WDR49: variants seen among roughly 807,000 people sequenced by gnomAD.
The protein encoded by WDR49 is WD repeat domain 49, also known as cilia- and flagella-associated protein 337.
Under a neutral mutation model 119.5 loss-of-function variants are expected in WDR49, and 107 were observed. The ratio of observed to expected loss-of-function variants is 0.90; its 90% CI spans 0.77 to 1.05. The LOEUF is 1.05. Ranked by LOEUF, WDR49 falls within the 50% of genes least tolerant of loss-of-function variation. The pLI is 0.00. For missense variants in WDR49, 1,240 were observed against 1,220.5 expected (o/e 1.02, Z -0.24); for synonymous variants, 425 against 418.8 (o/e 1.01, Z -0.18).
intron 16 of WDR49, among the ~76,000 whole-genome samples, chr3:167,512,279 A>G (rs1170593814): frequency 6.6e-6 from 1 of 152,172 alleles, no homozygotes; most frequent in Non-Finnish European, 1.5e-5. Flanking sequence ...GCTCTTCTGC[A>G]GCCTCCACTG....
At chr3:167,577,998 G>T (rs1300645649) in intron 7 of WDR49, among the ~76,000 whole-genome samples, 2 of 152,090 alleles carry the variant, frequency 1.3e-5, no homozygotes, top group Non-Finnish European at 2.9e-5. Flanking sequence ...GAATCTACAA[G>T]ATAGGAATCC....
chr3:167,496,702 C>T (rs566380091), intron 18 of WDR49, among the ~76,000 whole-genome samples: 1 of 152,210 alleles, frequency 6.6e-6, no homozygotes, highest in African/African-American at 2.4e-5. Flanking sequence ...TCTTTAGCAT[C>T]CAGCACAAAT....
intron 8 of WDR49, among the ~76,000 whole-genome samples, chr3:167,575,421 C>A (rs1714197396): frequency 6.6e-6 from 1 of 152,174 alleles, no homozygotes; most frequent in African/African-American, 2.4e-5. Flanking sequence ...GTGCTGCATA[C>A]CAAGTGGCAT....
chr3:167,588,331 A>G, intron 7 of WDR49, among the ~76,000 whole-genome samples: 1 of 151,956 alleles, frequency 6.6e-6, no homozygotes, highest in South Asian at 2.1e-4. Flanking sequence ...TAAATACCAC[A>G]TTTTCTTAAT....
chr3:167,480,247 T>TAAA, intron 18 of WDR49, among the ~76,000 whole-genome samples: 2 of 55,086 alleles, frequency 3.6e-5, no homozygotes, highest in Non-Finnish European at 6.4e-5. Context: ...AGACTCTGTC[T>TAAA]AAAAAAAAAA....
intron 16 of WDR49, among the ~76,000 whole-genome samples, chr3:167,506,217 C>A (rs1751762417): frequency 2.0e-5 from 3 of 152,094 alleles, no homozygotes; most frequent in South Asian, 4.1e-4. Flanking sequence ...CACTCCCTAA[C>A]TTTTATTCTT....
chr3:167,539,159 T>A (rs76993136), intron 10 of WDR49, among the ~76,000 whole-genome samples: 3 of 152,138 alleles, frequency 2.0e-5, no homozygotes, highest in Admixed American at 6.5e-5. Flanking sequence ...TAAAGATAGA[T>A]GAATTAATGC....
At chr3:167,592,272 T>C (rs1315432011) in intron 7 of WDR49, among the ~76,000 whole-genome samples, 1 of 152,182 alleles carries the variant, frequency 6.6e-6, no homozygotes, top group African/African-American at 2.4e-5. Flanking sequence ...TGTCTATGTC[T>C]TGAAAAGTTA....
chr3:167,592,937 C>T (rs907897220), intron 7 of WDR49, among the ~76,000 whole-genome samples: 2 of 152,136 alleles, frequency 1.3e-5, no homozygotes, highest in South Asian at 4.1e-4. Context: ...TCTCTCCTGG[C>T]CTGTAAGATT....
intron 3 of WDR49, 72 bp from the exon 4 acceptor site, chr3:167,621,715 C>T (rs772014896): frequency 5.1e-5 from 71 of 1,381,190 alleles, no homozygotes; most frequent in Middle Eastern, 1.9e-4. Flanking sequence ...AAAGCAGACA[C>T]GCCACTCTAA....
At chr3:167,622,560 G>A (rs775811630) in intron 3 of WDR49, among the ~76,000 whole-genome samples, 11 of 151,986 alleles carry the variant, frequency 7.2e-5, no homozygotes, top group Non-Finnish European at 7.4e-5. Context: ...ATACAGCCCC[G>A]TAATACAGAA....
In WDR49 at chr3:167,620,414, G is replaced by A. The variant is rs1302222967; in HGVS notation, c.958+15C>T. The A allele has an allele frequency of 2.0e-6, 3 of 1,531,704 alleles. No individual in the cohort carries two copies. Among genetic ancestry groups the A allele is most frequent in the South Asian group, 1.2e-5 (1 of 83,464 alleles). 94.9% of individuals were successfully genotyped at this position (1,531,704 alleles called of 1,614,324 possible). A position where few individuals can be genotyped will look rare whatever the true frequency, so the allele number is the denominator to read the frequency against. ...GAGGTGACCATTTACTTTCATTACT[G>A]TTCAAATTCAATACCTTGCCTGACC... On this transcript the variant is annotated intron_variant, in intron 5 of 18. Transcript: ENST00000682715.
chr3:167,627,088 T>G lies in WDR49; in HGVS notation c.370A>C (p.Thr124Pro). The G allele has an allele frequency of 7.8e-7, 1 of 1,279,296 alleles. No individual in the cohort carries two copies. Among genetic ancestry groups the G allele is most frequent in the South Asian group, 3.0e-5 (1 of 33,108 alleles). The allele number at this position is 1,279,296 out of a possible 1,614,324, so 79.2% of individuals were successfully genotyped here. ...AGGTCCTTCCACTGGGGCACCACAG[T>G]TGCCTTTGCTCGTTCATCTTGCTCA... ...LYEQDERAKA[T>P]VVPQWKDLEF... is the part of the protein sequence containing the mutation. The change falls in exon 3 of 19, where the codon ACT becomes CCT. Residue 124 changes from threonine to proline, a missense_variant. Physicochemically the swap from Thr to Pro is conservative, Grantham distance 38. Coordinates refer to ENST00000682715, the MANE Select transcript of WDR49 (RefSeq NM_001366157.1).
intron 7 of WDR49, among the ~76,000 whole-genome samples, chr3:167,582,989 C>T (rs932405402): frequency 6.6e-6 from 1 of 151,462 alleles, no homozygotes; most frequent in Non-Finnish European, 1.5e-5. Flanking sequence ...CACACACACA[C>T]AGATAGAGAG....
chr3:167,548,977 A>C (rs1390112321), intron 10 of WDR49, among the ~76,000 whole-genome samples: 5 of 152,106 alleles, frequency 3.3e-5, no homozygotes, highest in African/African-American at 9.7e-5. Flanking sequence ...TTTGCTCAGA[A>C]TGATGGTTTC....
At chr3:167,565,263 T>C (rs1275945930) in intron 8 of WDR49, among the ~76,000 whole-genome samples, 2 of 151,910 alleles carry the variant, frequency 1.3e-5, no homozygotes, top group African/African-American at 2.4e-5. Flanking sequence ...TGAATACCTG[T>C]AATATGCAAG....
At chr3:167,482,945 T>G (rs11916352) in intron 18 of WDR49, among the ~76,000 whole-genome samples, 22,760 of 152,058 alleles carry the variant, frequency 0.15, 2,192 homozygotes, top group African/African-American at 0.28. Flanking sequence ...AATCAACTAA[T>G]AGCAGTATAA....
chr3:167,528,207 T>A (rs190448515), intron 14 of WDR49, among the ~76,000 whole-genome samples, 190 bp from the exon 15 acceptor site: 1 of 152,052 alleles, frequency 6.6e-6, no homozygotes, highest in Non-Finnish European at 1.5e-5. Flanking sequence ...CTAACTTATC[T>A]GATTACTTGG....
At position 167,620,419 on chromosome 3, in the gene WDR49, A is replaced by C; in HGVS notation, c.958+10T>G. On this transcript the variant is annotated intron_variant, in intron 5 of 18. Transcript: ENST00000682715. ...GACCATTTACTTTCATTACTGTTCA[A>C]ATTCAATACCTTGCCTGACCCAATC... The C allele has an allele frequency of 6.5e-7, 1 of 1,533,008 alleles. No homozygotes were observed. Among genetic ancestry groups the C allele is most frequent in the Non-Finnish European group, 8.7e-7 (1 of 1,145,008 alleles). The allele number at this position is 1,533,008 out of a possible 1,614,324, so 95.0% of individuals were successfully genotyped here.
Sources: allele counts gnomAD v4.1 joint callset (sites outside exome capture counted in the v4.1 genomes callset), GRCh38; gene constraint gnomAD v4.1.1; transcripts MANE v1.5; gene names NCBI Gene and HGNC (gene_info 2026-07-23, HGNC 2026-07-21).